DPYS: variants seen among roughly 807,000 people sequenced by gnomAD.
DPYS encodes dihydropyrimidine amidohydrolase.
Under a neutral mutation model 50.3 loss-of-function variants are expected in DPYS, and 39 were observed. The observed-to-expected ratio is 0.78, with a 90% CI of 0.60 to 1.01. DPYS has a LOEUF of 1.01. DPYS is among the 50% of genes least tolerant of loss of function. The pLI is 0.00. For missense variants in DPYS, 659 were observed against 680.9 expected, an observed-to-expected ratio of 0.97 and a Z score of 0.36; for synonymous variants, 245 against 250.7, an observed-to-expected ratio of 0.98 and a Z score of 0.22.
intron 4 of DPYS, among the ~76,000 whole-genome samples, chr8:104,433,068 G>A (rs1457795535): frequency 3.9e-5 from 6 of 152,174 alleles, no homozygotes; most frequent in Non-Finnish European, 8.8e-5. Flanking sequence ...ATAACGTGAA[G>A]ACACAGGAAG....
chr8:104,462,654 A>G lies in DPYS; in HGVS notation c.264+4003T>C, dbSNP rs142238779. ...CAACTCCACCCACTCTGACCTGCAT[A>G]CACCTCTGAATACAAATTTATGTAT... On this transcript the variant is annotated intron_variant, in intron 1 of 9. Transcript: ENST00000351513. 2.9e-3 allele frequency among the ~76,000 whole-genome samples: 449 copies of G among 152,324 alleles called. 1 individual carries two copies. The highest frequency in any genetic ancestry group is 0.01 in the African/African-American group (430 of 41,566).
At chr8:104,458,504 C>T (rs546999487) in intron 1 of DPYS, among the ~76,000 whole-genome samples, 8 of 152,272 alleles carry the variant, frequency 5.3e-5, no homozygotes, top group African/African-American at 1.4e-4. Flanking sequence ...ATATAGAAAG[C>T]GTTTACCCCA....
chr8:104,385,446 T>C (rs1811180278), intron 8 of DPYS, among the ~76,000 whole-genome samples: 1 of 152,190 alleles, frequency 6.6e-6, no homozygotes, highest in African/African-American at 2.4e-5. Context: ...GAACACACTG[T>C]TGGAAGGCTA....
intron 8 of DPYS, among the ~76,000 whole-genome samples, chr8:104,381,942 C>T (rs995301281): frequency 1.3e-5 from 2 of 151,800 alleles, no homozygotes. Flanking sequence ...CAAACTAATA[C>T]ATTGTAGTGA....
Position 104,442,633 on chromosome 8 carries a change from T to G in DPYS, c.793+1615A>C, listed in dbSNP as rs1384445917. The stretch of plus-strand genomic sequence containing the variant: ...TGGTTAGTAAGATATTATTAAATCC[T>G]AGGTGAAATAAGCCTACACTTAAGG... On this transcript the variant is annotated intron_variant, in intron 4 of 9. Coordinates refer to ENST00000351513, the MANE Select transcript of DPYS (RefSeq NM_001385.3). Among the ~76,000 whole-genome samples, 3 of 152,244 alleles carry G rather than the reference T, an allele frequency of 2.0e-5. No homozygotes were observed. The East Asian group carries it at 5.8e-4, about 29-fold the overall frequency.
At chr8:104,422,303 T>C (rs1228266289) in intron 7 of DPYS, among the ~76,000 whole-genome samples, 1 of 152,234 alleles carries the variant, frequency 6.6e-6, no homozygotes, top group Non-Finnish European at 1.5e-5. Flanking sequence ...CCAAAAATGC[T>C]TTTAGTTATT....
intron 7 of DPYS, among the ~76,000 whole-genome samples, chr8:104,414,023 C>T (rs1564090980): frequency 6.6e-6 from 1 of 152,098 alleles, no homozygotes; most frequent in African/African-American, 2.4e-5. Flanking sequence ...TTTCTTCAAA[C>T]ATTTGAATGA....
intron 8 of DPYS, among the ~76,000 whole-genome samples, chr8:104,391,226 G>T (rs1369230637): frequency 6.6e-6 from 1 of 152,082 alleles, no homozygotes; most frequent in South Asian, 2.1e-4. Context: ...GACATTAAAG[G>T]AGAAACCAAA....
intron 7 of DPYS, among the ~76,000 whole-genome samples, chr8:104,418,220 C>T (rs1812430588): frequency 6.6e-6 from 1 of 152,196 alleles, no homozygotes; most frequent in Non-Finnish European, 1.5e-5. Flanking sequence ...GCGCCCCCTT[C>T]AGCATCTAGG....
rs913340253 is a variant in DPYS at position 104,413,190 on chromosome 8, A to C, written c.1235+11057T>G. Among the ~76,000 whole-genome samples the C allele has an allele frequency of 3.3e-5, 5 of 152,336 alleles. No homozygotes were observed. The South Asian group carries it at 1.0e-3, about 32-fold the overall frequency. ...ATCAATTATGGTATATTCATAAAGC[A>C]TAATAGTATAAAGCAGTGAAAATAA... is the stretch of plus-strand genomic sequence containing the variant. On this transcript the variant is annotated intron_variant, in intron 7 of 9. Coordinates refer to ENST00000351513, the MANE Select transcript of DPYS (RefSeq NM_001385.3).
intron 1 of DPYS, among the ~76,000 whole-genome samples, chr8:104,465,207 C>T (rs1051747461): frequency 5.3e-5 from 8 of 150,648 alleles, no homozygotes; most frequent in Non-Finnish European, 7.4e-5. Context: ...GTAGCTATCA[C>T]CAAAACTGCT....
chr8:104,442,290 A>G (rs1162472640), intron 4 of DPYS, among the ~76,000 whole-genome samples: 1 of 152,200 alleles, frequency 6.6e-6, no homozygotes, highest in Non-Finnish European at 1.5e-5. Flanking sequence ...CTTTGCTCCT[A>G]ATGGAATTCT....
chr8:104,453,801 C>G (rs750679869), intron 1 of DPYS, among the ~76,000 whole-genome samples: 1 of 152,136 alleles, frequency 6.6e-6, no homozygotes, highest in East Asian at 1.9e-4. Context: ...AAATGTCCAT[C>G]GACTCATGAA....
intron 7 of DPYS, among the ~76,000 whole-genome samples, chr8:104,407,127 T>G (rs1226550343): frequency 6.6e-6 from 1 of 152,240 alleles, no homozygotes. Context: ...TTTCATACAT[T>G]ATTTTATTCA....
At chr8:104,454,387 AAAAC>A (rs545133794) in intron 1 of DPYS, among the ~76,000 whole-genome samples, 77 of 152,340 alleles carry the variant, frequency 5.1e-4, no homozygotes, top group African/African-American at 1.7e-3. Flanking sequence ...ACTCCATCTC[AAAAC>A]AAACAAACAA....
In DPYS at chr8:104,427,892, A is replaced by G. The variant is rs888181194; in HGVS notation, c.1092+88T>C. 7 of 1,600,624 alleles carry G rather than the reference A, an allele frequency of 4.4e-6. No individual in the cohort carries two copies. The African/African-American group carries it at 8.0e-5, about 18-fold the overall frequency. On this transcript the variant is annotated intron_variant, in intron 6 of 9. Coordinates refer to ENST00000351513, the MANE Select transcript of DPYS (RefSeq NM_001385.3). Reference sequence around the variant, plus strand: ...GTAAAAACAATCAAAAAGCTTCTCTATGAAAATTTGTGCCACTCTGGTCCT... The same window carrying G: ...GTAAAAACAATCAAAAAGCTTCTCTGTGAAAATTTGTGCCACTCTGGTCCT...
chr8:104,421,827 T>C (rs1254262095), intron 7 of DPYS, among the ~76,000 whole-genome samples: 1 of 152,196 alleles, frequency 6.6e-6, no homozygotes, highest in Non-Finnish European at 1.5e-5. Flanking sequence ...TTATGTGCTA[T>C]TCTGAAACAA....
chr8:104,437,437 T>C (rs1588444362), intron 4 of DPYS, among the ~76,000 whole-genome samples: 1 of 152,262 alleles, frequency 6.6e-6, no homozygotes, highest in East Asian at 1.9e-4. Flanking sequence ...ATATACTAAT[T>C]ATAATGTATT....
chr8:104,466,952 G>C lies in DPYS; in HGVS notation c.-32C>G. ...GGGCGCGCGGGGTCCTACTCGGCCCGGGCTGCGCGCAGGGGCTGGGTTGGG... is the reference window on the plus strand; with the variant it reads ...GGGCGCGCGGGGTCCTACTCGGCCCCGGCTGCGCGCAGGGGCTGGGTTGGG... On this transcript the variant is annotated 5_prime_UTR_variant, in exon 1 of 10. Coordinates refer to ENST00000351513, the MANE Select transcript of DPYS (RefSeq NM_001385.3). 1.4e-6 allele frequency: 2 copies of C among 1,400,276 alleles called. No homozygotes were observed. Among genetic ancestry groups the C allele is most frequent in the East Asian group, 2.9e-5 (1 of 34,492 alleles). The allele number at this position is 1,400,276 out of a possible 1,614,324, so 86.7% of individuals were successfully genotyped here.
Sources: allele counts gnomAD v4.1 joint callset (sites outside exome capture counted in the v4.1 genomes callset), GRCh38; gene constraint gnomAD v4.1.1; transcripts MANE v1.5; gene names NCBI Gene and HGNC (gene_info 2026-07-23, HGNC 2026-07-21).